Variants in CES5A observed in about 807,000 individuals in gnomAD.
CES5A encodes carboxylesterase 5.
In CES5A, 67 loss-of-function variants were observed where a neutral mutation model predicts 62.9. The observed-to-expected ratio is 1.07, with a 90% CI of 0.88 to 1.31. CES5A has a LOEUF of 1.31. Among genes scored for constraint, CES5A ranks in the 50% most tolerant of loss-of-function variants. The pLI, the probability that CES5A is intolerant of heterozygous loss-of-function variation, is 0.00. For synonymous variants in CES5A, 296 were observed against 280.8 expected (o/e 1.05, Z -0.54); for missense variants, 748 against 708.5 (o/e 1.06, Z -0.63).
chr16:55,915,271 G>A (rs1266158632), intron 1 of CES5A, among the ~76,000 whole-genome samples: 2 of 152,160 alleles, frequency 1.3e-5, no homozygotes, highest in African/African-American at 2.4e-5. Context: ...CCTGGCCAAG[G>A]CCCTAATTGG....
At chr16:55,942,153 G>T (rs889480402) in intron 2 of CES5A, among the ~76,000 whole-genome samples, 2 of 151,562 alleles carry the variant, frequency 1.3e-5, no homozygotes, top group Non-Finnish European at 2.9e-5. Flanking sequence ...GAATACTTTT[G>T]CATTCTTAGA....
At chr16:55,946,786 G>T (rs1459171386) in intron 2 of CES5A, among the ~76,000 whole-genome samples, 1 of 152,182 alleles carries the variant, frequency 6.6e-6, no homozygotes, top group Non-Finnish European at 1.5e-5. Flanking sequence ...ATCTCACTTG[G>T]GCTCAGCTGA....
In CES5A at chr16:55,873,918, G is replaced by T; in HGVS notation, c.193C>A (p.Pro65Thr). The change falls in exon 2 of 13, where the codon CCC (proline) becomes ACC (threonine). Residue 65 changes from proline to threonine, a missense_variant. By Grantham distance (38) the Pro-to-Thr change is conservative (BLOSUM62 -1). Transcript: ENST00000290567. ...GTAAATCGCAGGGATCCCAGCGGGGGAGCAGCAAAGGGGACTCCGAGGAAC... is the reference window on the plus strand; with the variant it reads ...GTAAATCGCAGGGATCCCAGCGGGGTAGCAGCAAAGGGGACTCCGAGGAAC... ...NVFLGVPFAA[P>T]PLGSLRFTNP... The T allele has an allele frequency of 6.2e-7, 1 of 1,613,916 alleles. No individual in the cohort carries two copies. Among genetic ancestry groups the T allele is most frequent in the Non-Finnish European group, 8.5e-7 (1 of 1,180,012 alleles).
chr16:55,887,054 G>A (rs1332674354), intron 1 of CES5A, among the ~76,000 whole-genome samples: 1 of 152,152 alleles, frequency 6.6e-6, no homozygotes, highest in Non-Finnish European at 1.5e-5. Flanking sequence ...ACGCTGCAGG[G>A]TTGGAATGTT....
At position 55,874,000 on chromosome 16, in the gene CES5A, C is replaced by T. The variant is rs776749265; in HGVS notation, c.111G>A (p.Leu37=). The T allele has an allele frequency of 6.2e-7, 1 of 1,610,660 alleles. No homozygotes were observed. The highest frequency in any genetic ancestry group is 1.7e-5 in the Admixed American group (1 of 59,576). Residue 37 remains leucine (L), a synonymous_variant, in exon 2 of 13, where the codon CTG becomes CTA. Coordinates refer to ENST00000290567, the MANE Select transcript of CES5A (RefSeq NM_001143685.2). ...SAEGPQRNTR[L]GWIQGKQVTV... ...TGACTTGCTTGCCCTGAATCCATCCCAGCCTGGTGTTCCTCTGTGGCCCTT... is the reference window on the plus strand; with the variant it reads ...TGACTTGCTTGCCCTGAATCCATCCTAGCCTGGTGTTCCTCTGTGGCCCTT...
At chr16:55,878,442 C>T (rs1462262495), upstream of CES5A, among the ~76,000 whole-genome samples, 1 of 151,950 alleles carries the variant, frequency 6.6e-6, no homozygotes, top group Non-Finnish European at 1.5e-5. Context: ...CATCTCATAA[C>T]CTGTTTCTCC....
chr16:55,909,204 T>G (rs1359932845), intron 1 of CES5A, among the ~76,000 whole-genome samples: 2 of 152,184 alleles, frequency 1.3e-5, no homozygotes, highest in African/African-American at 4.8e-5. Context: ...GACTGGGAAC[T>G]TGGGAAGCCA....
At chr16:55,849,519 C>A in intron 11 of CES5A, 105 bp downstream of exon 11, 1 of 1,237,460 alleles carries the variant, frequency 8.1e-7, no homozygotes, top group South Asian at 1.4e-5. Context: ...GCCTATAAAC[C>A]ACAGAGGTAA....
At chr16:55,911,855 C>T (rs1004422570) in intron 1 of CES5A, among the ~76,000 whole-genome samples, 3 of 152,188 alleles carry the variant, frequency 2.0e-5, no homozygotes, top group Admixed American at 6.5e-5. Flanking sequence ...AGCCAGCTAC[C>T]TCCAAACAGC....
intron 2 of CES5A, among the ~76,000 whole-genome samples, chr16:55,939,561 C>T (rs190105501): frequency 1.0e-3 from 155 of 152,126 alleles, no homozygotes; most frequent in Non-Finnish European, 1.8e-3. Context: ...TGGTCATTAA[C>T]ATAAATAGAG....
chr16:55,884,230 G>A (rs1204488474), intron 1 of CES5A, among the ~76,000 whole-genome samples: 3 of 152,164 alleles, frequency 2.0e-5, no homozygotes, highest in Non-Finnish European at 4.4e-5. Flanking sequence ...GCATTTTACT[G>A]GGACAGCTTC....
chr16:55,887,448 AGG>A (rs1254735822), intron 1 of CES5A, among the ~76,000 whole-genome samples: 3 of 152,110 alleles, frequency 2.0e-5, no homozygotes, highest in Admixed American at 6.6e-5. Flanking sequence ...GCTATATATA[AGG>A]GTGCTTCTAT....
At chr16:55,954,234 C>G (rs2034585684) in intron 1 of CES5A, among the ~76,000 whole-genome samples, 2 of 152,198 alleles carry the variant, frequency 1.3e-5, no homozygotes, top group African/African-American at 2.4e-5. Context: ...AAACACCTGC[C>G]TGTTGATCCA....
rs11865638 is a variant in CES5A, at chr16:55,846,727, C to T, written c.1496+41G>A. On this transcript the variant is annotated intron_variant, in intron 12 of 12. Coordinates refer to ENST00000290567, the MANE Select transcript of CES5A (RefSeq NM_001143685.2). ...CAGGGGTGAGATTTTCCTCCTCACACCCCAGGCCTTGGCATGGGGGAGACC... is the reference window on the plus strand; with the variant it reads ...CAGGGGTGAGATTTTCCTCCTCACATCCCAGGCCTTGGCATGGGGGAGACC... The T allele has an allele frequency of 0.24, 389,310 of 1,612,672 alleles. 48,890 individuals are homozygous for T. The highest frequency in any genetic ancestry group is 0.37 in the African/African-American group (27,889 of 74,860).
intron 2 of CES5A, among the ~76,000 whole-genome samples, chr16:55,937,090 G>T (rs1304288717): frequency 2.0e-5 from 3 of 152,184 alleles, no homozygotes; most frequent in African/African-American, 7.2e-5. Flanking sequence ...AGAGAGGGTA[G>T]TTCTCTCACC....
At position 55,849,274 on chromosome 16, in the gene CES5A, C is replaced by A. The variant is rs542583207; in HGVS notation, c.1423+350G>T. On this transcript the variant is annotated intron_variant, in intron 11 of 12. Coordinates refer to ENST00000290567, the MANE Select transcript of CES5A (RefSeq NM_001143685.2). Reference sequence around the variant, plus strand: ...GCCTCTTAAAGCCTCAGGTTGTGGCCTCATGGGATTTCTGGGAAGGGGAGG... The same window carrying A: ...GCCTCTTAAAGCCTCAGGTTGTGGCATCATGGGATTTCTGGGAAGGGGAGG... Among the ~76,000 whole-genome samples the A allele has an allele frequency of 6.6e-5, 10 of 152,032 alleles. No individual in the cohort carries two copies. In the East Asian group the frequency reaches 1.9e-3, roughly 29 times the overall value.
At chr16:55,881,082 AC>A (rs1239986897) in intron 1 of CES5A, among the ~76,000 whole-genome samples, 2 of 152,152 alleles carry the variant, frequency 1.3e-5, no homozygotes, top group Non-Finnish European at 2.9e-5. Context: ...AACTATGAAT[AC>A]CTGGCTTCTC....
At chr16:55,873,139 TCTAGGGGATTTTCAAGTCTCA>T (rs2033627255) in intron 2 of CES5A, among the ~76,000 whole-genome samples, 1 of 152,000 alleles carries the variant, frequency 6.6e-6, no homozygotes, top group Middle Eastern at 3.2e-3. Context: ...GTTGGAAGAT[TCTAGGGGATTTTCAAGTCTCA>T]CTGCCCACCC....
At position 55,873,941 on chromosome 16, in the gene CES5A, A is replaced by G. The variant is rs1286372965; in HGVS notation, c.170T>C (p.Phe57Ser). 2.9e-5 allele frequency: 47 copies of G among 1,613,686 alleles called. No homozygotes were observed. The highest frequency in any genetic ancestry group is 3.8e-5 in the Non-Finnish European group (45 of 1,179,980). The stretch of plus-strand genomic sequence containing the variant: ...GGGAGCAGCAAAGGGGACTCCGAGG[A>G]ACACGTTCACAGGCACAGGGCTTCC... ...VLGSPVPVNV[F>S]LGVPFAAPPL... Residue 57 changes from phenylalanine (F) to serine (S), a missense_variant, in exon 2 of 13, where the codon TTC (phenylalanine) becomes TCC (serine). By Grantham distance (155) the Phe-to-Ser change is radical. Transcript: ENST00000290567.
Sources: allele counts gnomAD v4.1 joint callset (sites outside exome capture counted in the v4.1 genomes callset), GRCh38; gene constraint gnomAD v4.1.1; transcripts MANE v1.5; gene names NCBI Gene and HGNC (gene_info 2026-07-23, HGNC 2026-07-21).